The following NRXN1 variants were observed in gnomAD, a reference collection of about 807,000 sequenced individuals.
NRXN1 encodes the protein neurexin 1.
Under a neutral mutation model 150.9 loss-of-function variants are expected in NRXN1, and 39 were observed. That is an observed-to-expected ratio of 0.26 (90% CI 0.20 to 0.34). The LOEUF (loss-of-function observed/expected upper bound fraction) is 0.34, where lower values mean the gene tolerates loss of function less well. Among genes scored for constraint, NRXN1 ranks in the 10% least tolerant of loss-of-function variants. The pLI is 1.00. For synonymous variants in NRXN1, 924 were observed against 757.0 expected (o/e 1.22, Z -3.62); for missense variants, 1,815 against 1,949.9 (o/e 0.93, Z 1.30).
chr2:50,268,831 C>G (rs2069208073), intron 17 of NRXN1, among the ~76,000 whole-genome samples: 1 of 152,024 alleles, frequency 6.6e-6, no homozygotes, highest in African/African-American at 2.4e-5. Flanking sequence ...TAGCCAATTA[C>G]TTGACAAAGC....
At chr2:50,569,325 T>C (rs1670316914) in intron 8 of NRXN1, among the ~76,000 whole-genome samples, 1 of 152,116 alleles carries the variant, frequency 6.6e-6, no homozygotes. Flanking sequence ...AAAGGATAAA[T>C]GCTTGAGGTG....
intron 17 of NRXN1, among the ~76,000 whole-genome samples, chr2:50,326,452 G>A (rs1310859529): frequency 4.6e-5 from 7 of 152,080 alleles, no homozygotes; most frequent in African/African-American, 1.2e-4. Flanking sequence ...AATTTCTTAC[G>A]ATAACACTTA....
At chr2:50,248,901 C>A (rs1467826753) in intron 17 of NRXN1, among the ~76,000 whole-genome samples, 1 of 151,668 alleles carries the variant, frequency 6.6e-6, no homozygotes, top group African/African-American at 2.4e-5. Context: ...AATCCCAGCA[C>A]TTTGGGAGGC....
At chr2:50,894,110 G>C (rs1001897441) in intron 5 of NRXN1, among the ~76,000 whole-genome samples, 1 of 151,844 alleles carries the variant, frequency 6.6e-6, no homozygotes, top group African/African-American at 2.4e-5. Context: ...GAGGGGGAAG[G>C]GATAGCATTG....
intron 8 of NRXN1, among the ~76,000 whole-genome samples, chr2:50,563,259 A>T (rs1439418587): frequency 6.6e-6 from 1 of 152,238 alleles, no homozygotes; most frequent in East Asian, 1.9e-4. Context: ...CATTCCTATT[A>T]TTACAATTAT....
At chr2:50,770,333 T>C (rs1380247570) in intron 5 of NRXN1, among the ~76,000 whole-genome samples, 2 of 151,776 alleles carry the variant, frequency 1.3e-5, no homozygotes, top group African/African-American at 4.8e-5. Flanking sequence ...ATATTTTATA[T>C]ATATATATAT....
intron 5 of NRXN1, among the ~76,000 whole-genome samples, chr2:50,753,931 C>A (rs1447366960): frequency 7.6e-6 from 1 of 131,602 alleles, no homozygotes; most frequent in African/African-American, 3.0e-5. Flanking sequence ...CAATTTTCTA[C>A]ATTTCAATAA....
chr2:50,545,050 C>G (rs1215307401), intron 9 of NRXN1, among the ~76,000 whole-genome samples: 2 of 151,864 alleles, frequency 1.3e-5, no homozygotes, highest in Admixed American at 6.6e-5. Flanking sequence ...TATATTGATG[C>G]CTAGAAGAAG....
intron 2 of NRXN1, among the ~76,000 whole-genome samples, chr2:50,933,337 A>T (rs954024140): frequency 1.3e-5 from 2 of 152,144 alleles, no homozygotes; most frequent in African/African-American, 4.8e-5. Flanking sequence ...TGCCACATAA[A>T]ATATATTTGC....
chr2:49,943,160 T>C (rs1470401297), intron 22 of NRXN1, among the ~76,000 whole-genome samples: 2 of 152,184 alleles, frequency 1.3e-5, no homozygotes, highest in Admixed American at 1.3e-4. Context: ...AGCTTGAATT[T>C]TAGGGAAACA....
chr2:50,071,810 G>T (rs533473940), intron 19 of NRXN1, among the ~76,000 whole-genome samples: 1 of 152,298 alleles, frequency 6.6e-6, no homozygotes, highest in East Asian at 1.9e-4. Context: ...TGCTAAAATA[G>T]TCTAAAAGCG....
At chr2:50,614,754 A>AC (rs1553885737) in intron 8 of NRXN1, among the ~76,000 whole-genome samples, 1 of 145,762 alleles carries the variant, frequency 6.9e-6, no homozygotes, top group Admixed American at 6.9e-5. Flanking sequence ...AAAAAAAAAA[A>AC]ACTTGAGGAA....
intron 21 of NRXN1, among the ~76,000 whole-genome samples, chr2:50,003,609 A>G (rs1684295789): frequency 6.6e-6 from 1 of 152,170 alleles, no homozygotes; most frequent in South Asian, 2.1e-4. Context: ...GGGCACATGA[A>G]CCATTCTTGA....
At chr2:50,134,231 G>T (rs1706019715) in intron 18 of NRXN1, among the ~76,000 whole-genome samples, 1 of 148,338 alleles carries the variant, frequency 6.7e-6, no homozygotes, top group East Asian at 2.0e-4. Flanking sequence ...GCAACAAAAA[G>T]GGTGTTGAGG....
chr2:50,772,136 A>G (rs1474705459), intron 5 of NRXN1, among the ~76,000 whole-genome samples: 4 of 151,938 alleles, frequency 2.6e-5, no homozygotes, highest in Non-Finnish European at 5.9e-5. Context: ...TAAAACCTGA[A>G]ACAATCAATC....
At chr2:50,780,137 CAT>C (rs1226349688) in intron 5 of NRXN1, among the ~76,000 whole-genome samples, 5 of 152,066 alleles carry the variant, frequency 3.3e-5, no homozygotes, top group African/African-American at 7.2e-5. Context: ...AGCTTTTTTT[CAT>C]ATGTTTGTTG....
chr2:50,820,437 A>C (rs908591061), intron 5 of NRXN1, among the ~76,000 whole-genome samples: 12 of 152,142 alleles, frequency 7.9e-5, no homozygotes, highest in African/African-American at 2.9e-4. Flanking sequence ...GGTGGAGAAG[A>C]AGCTTGACTG....
intron 8 of NRXN1, among the ~76,000 whole-genome samples, chr2:50,560,994 G>T (rs537568921): frequency 3.9e-4 from 59 of 152,134 alleles, no homozygotes; most frequent in Non-Finnish European, 8.4e-4. Context: ...AAATTGGAGA[G>T]GGAAAAAACA....
chr2:49,956,424 G>C (rs1433356454), intron 21 of NRXN1, among the ~76,000 whole-genome samples: 1 of 152,124 alleles, frequency 6.6e-6, no homozygotes, highest in Non-Finnish European at 1.5e-5. Context: ...ACCATTCACT[G>C]TAAGGCAATT....
Sources: gnomAD v4.1 joint callset for allele counts (sites outside exome capture counted in the v4.1 genomes callset) on GRCh38, gnomAD v4.1.1 for gene constraint, MANE v1.5 for transcripts, NCBI Gene and HGNC (gene_info 2026-07-23, HGNC 2026-07-21) for gene names.